TRPC4: variants seen among roughly 807,000 people sequenced by gnomAD.
TRPC4 encodes the protein short transient receptor potential channel 4.
In TRPC4, 49 loss-of-function variants were observed where a neutral mutation model predicts 99.4. That is an observed-to-expected ratio of 0.49 (90% CI 0.39 to 0.63). The LOEUF (loss-of-function observed/expected upper bound fraction) is 0.63, where lower values mean the gene tolerates loss of function less well. TRPC4 is among the 20% of genes least tolerant of loss of function. TRPC4 has a pLI of 0.00. For missense variants in TRPC4, 898 were observed against 1,152.9 expected (o/e 0.78, Z 3.20); for synonymous variants, 454 against 425.9 (o/e 1.07, Z -0.81).
chr13:37,691,876 C>A, intron 4 of TRPC4, 123 bp downstream of exon 4: 2 of 945,678 alleles, frequency 2.1e-6, no homozygotes, highest in South Asian at 2.0e-5. Flanking sequence ...GTTCTTGGAG[C>A]TACAATAGTC....
In TRPC4 at chr13:37,856,271, G is replaced by T. The variant is rs538567972; in HGVS notation, c.-28+13324C>A. On this transcript the variant is annotated intron_variant, in intron 1 of 10. Coordinates refer to ENST00000379705, the MANE Select transcript of TRPC4 (RefSeq NM_016179.4). ...TGCCAATAAATTCTAAAATCTAGAAGAAATGGACAAATTCCTGGACACATA... is the reference window on the plus strand; with the variant it reads ...TGCCAATAAATTCTAAAATCTAGAATAAATGGACAAATTCCTGGACACATA... Among the ~76,000 whole-genome samples, 6 of 150,062 alleles carry T rather than the reference G, an allele frequency of 4.0e-5. No homozygotes were observed. In the South Asian group the frequency reaches 8.4e-4, roughly 21 times the overall value.
rs140659858 is a variant in TRPC4 at position 37,752,565 on chromosome 13, A to G, written c.379-6110T>C. ...CTCTCAGGACCTAATCTCTCTCTAG[A>G]AAGACCAAAATACCACTTCTGCCCC... On this transcript the variant is annotated intron_variant, in intron 2 of 10. Coordinates refer to ENST00000379705, the MANE Select transcript of TRPC4 (RefSeq NM_016179.4). Among the ~76,000 whole-genome samples the G allele has an allele frequency of 2.6e-3, 401 of 151,810 alleles. 1 individual carries two copies. Among genetic ancestry groups the G allele is most frequent in the African/African-American group, 9.3e-3 (387 of 41,412 alleles).
At chr13:37,808,376 G>C (rs919248229) in intron 1 of TRPC4, among the ~76,000 whole-genome samples, 3 of 152,034 alleles carry the variant, frequency 2.0e-5, no homozygotes, top group African/African-American at 7.2e-5. Context: ...GTAGAAAAAA[G>C]AGGGGTATCC....
At chr13:37,681,473 T>G (rs1411412727) in intron 4 of TRPC4, among the ~76,000 whole-genome samples, 7 of 152,174 alleles carry the variant, frequency 4.6e-5, no homozygotes, top group African/African-American at 1.7e-4. Context: ...TTTGTTATTG[T>G]TCCAGATTGA....
At chr13:37,682,128 C>T (rs1173714295) in intron 4 of TRPC4, among the ~76,000 whole-genome samples, 3 of 152,170 alleles carry the variant, frequency 2.0e-5, no homozygotes, top group African/African-American at 7.2e-5. Context: ...CCCTTTCTTA[C>T]TGTCCGTACT....
chr13:37,786,216 T>A (rs2139364841), intron 1 of TRPC4, among the ~76,000 whole-genome samples: 1 of 151,792 alleles, frequency 6.6e-6, no homozygotes, highest in Non-Finnish European at 1.5e-5. Flanking sequence ...TAAATATGTT[T>A]AAAATGTAAA....
At chr13:37,828,527 G>A (rs140308309) in intron 1 of TRPC4, among the ~76,000 whole-genome samples, 1 of 152,136 alleles carries the variant, frequency 6.6e-6, no homozygotes, top group South Asian at 2.1e-4. Context: ...ATAAAGACAT[G>A]CATGTGTATG....
At chr13:37,726,352 G>C (rs1014860031) in intron 3 of TRPC4, among the ~76,000 whole-genome samples, 3 of 152,026 alleles carry the variant, frequency 2.0e-5, no homozygotes, top group African/African-American at 7.2e-5. Flanking sequence ...CCACTGAAAA[G>C]CATGGAGATG....
intron 5 of TRPC4, among the ~76,000 whole-genome samples, chr13:37,672,041 T>C (rs1952865615): frequency 1.3e-5 from 2 of 152,214 alleles, no homozygotes; most frequent in Admixed American, 1.3e-4. Context: ...GTGAGTGAGT[T>C]TAATTCTAAA....
chr13:37,770,138 T>A (rs1031596838), intron 2 of TRPC4, among the ~76,000 whole-genome samples: 1 of 151,566 alleles, frequency 6.6e-6, no homozygotes, highest in African/African-American at 2.4e-5. Flanking sequence ...AAAGTCTTTA[T>A]GATTGAGGCT....
At chr13:37,754,007 G>C (rs1404966244) in intron 2 of TRPC4, among the ~76,000 whole-genome samples, 1 of 152,122 alleles carries the variant, frequency 6.6e-6, no homozygotes, top group East Asian at 1.9e-4. Flanking sequence ...GGAGAGGGCA[G>C]CGAAAAGCTA....
chr13:37,780,242 G>C (rs367793566), intron 2 of TRPC4, among the ~76,000 whole-genome samples: 14 of 152,086 alleles, frequency 9.2e-5, no homozygotes, highest in African/African-American at 3.1e-4. Flanking sequence ...ATTTCTGAAA[G>C]AGTATATTTT....
chr13:37,781,123 G>C (rs2139339523), intron 2 of TRPC4, among the ~76,000 whole-genome samples: 1 of 152,148 alleles, frequency 6.6e-6, no homozygotes, highest in South Asian at 2.1e-4. Context: ...ATCTTCTCCA[G>C]ACACAAAATT....
At chr13:37,721,805 T>C (rs1381562062) in intron 3 of TRPC4, among the ~76,000 whole-genome samples, 1 of 152,156 alleles carries the variant, frequency 6.6e-6, no homozygotes, top group Non-Finnish European at 1.5e-5. Flanking sequence ...ACTTTAAAAA[T>C]ATTTTTATGG....
chr13:37,824,796 T>G (rs934880667), intron 1 of TRPC4, among the ~76,000 whole-genome samples: 1 of 152,144 alleles, frequency 6.6e-6, no homozygotes, highest in African/African-American at 2.4e-5. Flanking sequence ...TAAAATGAGT[T>G]AGGGAGGATT....
intron 3 of TRPC4, among the ~76,000 whole-genome samples, chr13:37,708,333 G>T (rs9548026): frequency 0.24 from 36,379 of 151,894 alleles, 4,743 homozygotes; most frequent in Admixed American, 0.32. Context: ...ACATATTATT[G>T]CCAAATGTGA....
chr13:37,727,527 G>A (rs1189075768), intron 3 of TRPC4, among the ~76,000 whole-genome samples: 1 of 151,664 alleles, frequency 6.6e-6, no homozygotes, highest in Non-Finnish European at 1.5e-5. Context: ...GAAAAGACAA[G>A]CACAAAGCTA....
At chr13:37,654,967 C>T (rs1187065865) in intron 7 of TRPC4, 121 bp downstream of exon 7, 6 of 765,822 alleles carry the variant, frequency 7.8e-6, no homozygotes, top group African/African-American at 3.6e-5. Context: ...ATTTATAATT[C>T]TTATCTGTCT....
intron 3 of TRPC4, among the ~76,000 whole-genome samples, chr13:37,739,560 C>T (rs1404351834): frequency 6.9e-6 from 1 of 144,634 alleles, no homozygotes; most frequent in Non-Finnish European, 1.5e-5. Context: ...GGCTGGAGTA[C>T]AGTGGTATGA....
Sources: gnomAD v4.1 joint callset for allele counts (sites outside exome capture counted in the v4.1 genomes callset) on GRCh38, gnomAD v4.1.1 for gene constraint, MANE v1.5 for transcripts, NCBI Gene and HGNC (gene_info 2026-07-23, HGNC 2026-07-21) for gene names.